Variants in ACTR3 observed in about 807,000 individuals in gnomAD.
The protein encoded by ACTR3 is actin related protein 3, also known as actin-related protein 3.
A neutral mutation model predicts 56.8 loss-of-function variants in ACTR3; 12 were observed. The observed-to-expected ratio is 0.21, with a 90% CI of 0.14 to 0.34. ACTR3 has a LOEUF of 0.34. ACTR3 is among the 10% of genes least tolerant of loss of function. The probability of loss-of-function intolerance (pLI) is 1.00; values close to 1 mark genes in which losing one functional copy is unlikely to be tolerated. For synonymous variants in ACTR3, 162 were observed against 167.4 expected (o/e 0.97, Z 0.25); for missense variants, 282 against 512.5 (o/e 0.55, Z 4.34).
chr2:113,899,890 T>G (rs1031617079), intron 1 of ACTR3, among the ~76,000 whole-genome samples: 1 of 152,216 alleles, frequency 6.6e-6, no homozygotes, highest in African/African-American at 2.4e-5. Context: ...ATATTTCTGT[T>G]GGGAGCTGTG....
chr2:113,894,345 A>G (rs1424417537), intron 1 of ACTR3, among the ~76,000 whole-genome samples: 22 of 152,108 alleles, frequency 1.4e-4, no homozygotes, highest in Admixed American at 1.4e-3. Flanking sequence ...CACCCACCTC[A>G]TCCTCCCAGA....
intron 1 of ACTR3, among the ~76,000 whole-genome samples, chr2:113,906,082 A>G (rs560224361): frequency 1.5e-4 from 23 of 152,320 alleles, no homozygotes; most frequent in South Asian, 4.1e-4. Flanking sequence ...ATAGTTTTCC[A>G]CAGCATTGCA....
chr2:113,904,226 C>T (rs1246971854), intron 1 of ACTR3: 1 of 152,200 alleles, frequency 6.6e-6, no homozygotes, highest in Non-Finnish European at 1.5e-5. Flanking sequence ...TCCTTGTTTT[C>T]TTTCCCCCCA....
At chr2:113,955,395 C>T in intron 10 of ACTR3, 2 of 379,698 alleles carry the variant, frequency 5.3e-6, no homozygotes, top group Non-Finnish European at 9.4e-6. Context: ...AACATGTGCT[C>T]ATTGTTATTT....
At chr2:113,916,125 C>T (rs1366085966) in intron 2 of ACTR3, among the ~76,000 whole-genome samples, 1 of 152,026 alleles carries the variant, frequency 6.6e-6, no homozygotes, top group African/African-American at 2.4e-5. Context: ...TATTTTCTGC[C>T]CACTTTCTTA....
chr2:113,939,472 G>A (rs1679887028), intron 6 of ACTR3, among the ~76,000 whole-genome samples: 1 of 151,970 alleles, frequency 6.6e-6, no homozygotes, highest in African/African-American at 2.4e-5. Context: ...TTATACTTCT[G>A]ACACATCAGT....
chr2:113,941,509 A>G (rs910842793), intron 7 of ACTR3, among the ~76,000 whole-genome samples: 2 of 152,052 alleles, frequency 1.3e-5, no homozygotes, highest in African/African-American at 4.8e-5. Flanking sequence ...TCTATCTTGG[A>G]TGGTGCCTGT....
chr2:113,923,653 T>C (rs1425587811), intron 3 of ACTR3, among the ~76,000 whole-genome samples: 1 of 152,086 alleles, frequency 6.6e-6, no homozygotes, highest in Non-Finnish European at 1.5e-5. Context: ...TTGTTTTTAT[T>C]TGTTGTTTCT....
intron 1 of ACTR3, among the ~76,000 whole-genome samples, chr2:113,905,470 A>T (rs548885963): frequency 5.3e-4 from 81 of 152,178 alleles, no homozygotes; most frequent in African/African-American, 2.0e-3. Flanking sequence ...GTCTCAAAAA[A>T]AAAAAAAAAT....
chr2:113,954,235 T>G (rs1417381548), intron 10 of ACTR3: 4 of 152,190 alleles, frequency 2.6e-5, no homozygotes, highest in African/African-American at 9.7e-5. Context: ...ATAAAGTTAT[T>G]ATGTTTTCCT....
chr2:113,957,135 T>C (rs10199982), intron 11 of ACTR3, among the ~76,000 whole-genome samples: 82 of 152,288 alleles, frequency 5.4e-4, no homozygotes, highest in African/African-American at 1.8e-3. Context: ...GAGACAAGGA[T>C]TGGGGACAGG....
chr2:113,916,916 GA>G lies in ACTR3; in HGVS notation c.134del (p.Asp45ValfsTer7). ...IAIKESAKVG[D>X]QAQRRVMKGV... Reference sequence around the variant, plus strand: ...TATTAAGGAGTCAGCAAAAGTGGGTGATCAAGCTCAAAGGAGGGTGATGAAA... The same window carrying G: ...TATTAAGGAGTCAGCAAAAGTGGGTGTCAAGCTCAAAGGAGGGTGATGAAA... On this transcript the variant is annotated frameshift_variant, in exon 3 of 12. Coordinates refer to ENST00000263238, the MANE Select transcript of ACTR3 (RefSeq NM_005721.5). LOFTEE classifies it high-confidence loss of function. The G allele has an allele frequency of 6.2e-7, 1 of 1,609,558 alleles. No individual in the cohort carries two copies. Among genetic ancestry groups the G allele is most frequent in the South Asian group, 1.1e-5 (1 of 90,684 alleles).
At chr2:113,907,098 G>C (rs1233462298) in intron 1 of ACTR3, among the ~76,000 whole-genome samples, 1 of 152,138 alleles carries the variant, frequency 6.6e-6, no homozygotes, top group Non-Finnish European at 1.5e-5. Flanking sequence ...CAATTATCCA[G>C]ATGGCAAATT....
chr2:113,936,195 G>A (rs1293780711), intron 6 of ACTR3, among the ~76,000 whole-genome samples: 1 of 151,746 alleles, frequency 6.6e-6, no homozygotes, highest in Non-Finnish European at 1.5e-5. Context: ...CAGAGGCTGA[G>A]GAGGGAAGAT....
Position 113,934,403 on chromosome 2 carries a change from G to T in ACTR3, c.540+17G>T. ...ATTCCTGTGGTAAGGCTATTTTACA[G>T]TTACTGAACAGAACATGAAATAACA... is the stretch of plus-strand genomic sequence containing the variant. On this transcript the variant is annotated intron_variant, in intron 6 of 11. Transcript: ENST00000263238. 6.9e-7 allele frequency: 1 copy of T among 1,452,504 alleles called. No homozygotes were observed. The highest frequency in any genetic ancestry group is 9.4e-7 in the Non-Finnish European group (1 of 1,060,076). The allele number at this position is 1,452,504 out of a possible 1,614,324, so 90.0% of individuals were successfully genotyped here. A position where few individuals can be genotyped will look rare whatever the true frequency, so the allele number is the denominator to read the frequency against.
intron 3 of ACTR3, among the ~76,000 whole-genome samples, chr2:113,926,729 A>G (rs73957426): frequency 0.045 from 6,897 of 152,242 alleles, 512 homozygotes; most frequent in African/African-American, 0.16. Context: ...TAAAGGCCCT[A>G]CCACCTCTCG....
At chr2:113,937,878 T>G (rs572616125) in intron 6 of ACTR3, among the ~76,000 whole-genome samples, 7 of 152,300 alleles carry the variant, frequency 4.6e-5, no homozygotes, top group African/African-American at 1.7e-4. Context: ...ATATATAGTT[T>G]GTAATTTTCA....
intron 4 of ACTR3, among the ~76,000 whole-genome samples, chr2:113,929,935 TC>T (rs376959457): frequency 3.7e-4 from 56 of 152,300 alleles, no homozygotes; most frequent in African/African-American, 1.2e-3. Context: ...CACCTCGGCC[TC>T]CCAAAGTGCT....
chr2:113,939,727 TGTTGA>T, intron 6 of ACTR3, among the ~76,000 whole-genome samples: 1 of 152,202 alleles, frequency 6.6e-6, no homozygotes, highest in Non-Finnish European at 1.5e-5. Context: ...ATTTCTATAT[TGTTGA>T]GTTATTTTAG....
Sources: gnomAD v4.1 joint callset for allele counts (sites outside exome capture counted in the v4.1 genomes callset) on GRCh38, gnomAD v4.1.1 for gene constraint, MANE v1.5 for transcripts, NCBI Gene and HGNC (gene_info 2026-07-23, HGNC 2026-07-21) for gene names.